The following CNTN5 variants were observed in gnomAD, a reference collection of about 807,000 sequenced individuals.
CNTN5 encodes the protein contactin-5.
In CNTN5, 77 loss-of-function variants were observed where a neutral mutation model predicts 129.1. That is an observed-to-expected ratio of 0.60 (90% CI 0.50 to 0.72). The LOEUF (loss-of-function observed/expected upper bound fraction) is 0.72. Ranked by LOEUF, CNTN5 falls within the 30% of genes least tolerant of loss-of-function variation. The pLI, the probability that CNTN5 is intolerant of heterozygous loss-of-function variation, is 0.00. For synonymous variants in CNTN5, 509 were observed against 465.6 expected (o/e 1.09, Z -1.20); for missense variants, 1,478 against 1,328.8 (o/e 1.11, Z -1.75).
intron 2 of CNTN5, among the ~76,000 whole-genome samples, chr11:99,519,964 A>G (rs1016733389): frequency 6.6e-6 from 1 of 152,024 alleles, no homozygotes; most frequent in African/African-American, 2.4e-5. Flanking sequence ...TCCCACATTC[A>G]TGCTCCCTTA....
At chr11:100,225,036 C>G (rs535478596) in intron 16 of CNTN5, 1 of 357,506 alleles carries the variant, frequency 2.8e-6, no homozygotes, top group Non-Finnish European at 5.2e-6. Context: ...TCCAAAACAC[C>G]TTTAGTAGTA....
intron 13 of CNTN5, among the ~76,000 whole-genome samples, chr11:100,187,903 A>AAACAATTGT (rs1473814035): frequency 6.6e-6 from 1 of 152,190 alleles, no homozygotes; most frequent in Non-Finnish European, 1.5e-5. Flanking sequence ...AAGTCCTCAA[A>AAACAATTGT]AACAATTGTA....
At chr11:99,589,868 A>G (rs911500749) in intron 3 of CNTN5, among the ~76,000 whole-genome samples, 3 of 152,200 alleles carry the variant, frequency 2.0e-5, no homozygotes, top group African/African-American at 7.2e-5. Flanking sequence ...AATATTCTTG[A>G]GTATAGGGGA....
intron 1 of CNTN5, chr11:99,120,183 A>G (rs746132012): frequency 6.6e-6 from 1 of 152,240 alleles, no homozygotes; most frequent in Non-Finnish European, 1.5e-5. Context: ...TGTGTTTCTC[A>G]TGAAATCTGG....
rs189673294 is a variant in CNTN5, at chr11:100,190,931, A to G, written c.1581-195A>G. Among the ~76,000 whole-genome samples the G allele has an allele frequency of 9.4e-4, 143 of 152,204 alleles. 1 individual carries two copies. The highest frequency in any genetic ancestry group is 3.1e-3 in the African/African-American group (130 of 41,560). On this transcript the variant is annotated intron_variant, in intron 13 of 24. Transcript: ENST00000524871. ...TCTTGTTACTCCTTAACCTTTTTGA[A>G]TATAAGAAGATTTAAGTAAGCTTAT...
chr11:99,960,880 A>T (rs572325612), intron 8 of CNTN5, among the ~76,000 whole-genome samples: 1 of 152,198 alleles, frequency 6.6e-6, no homozygotes, highest in South Asian at 2.1e-4. Context: ...AATGAGGAGA[A>T]GGTAGAGAGA....
intron 6 of CNTN5, among the ~76,000 whole-genome samples, chr11:99,849,849 T>G (rs2135719208): frequency 6.6e-6 from 1 of 152,280 alleles, no homozygotes; most frequent in South Asian, 2.1e-4. Flanking sequence ...GTACTCAATC[T>G]TTCCCTATTC....
chr11:99,736,722 A>C (rs1943723406), intron 3 of CNTN5, among the ~76,000 whole-genome samples: 1 of 152,144 alleles, frequency 6.6e-6, no homozygotes, highest in South Asian at 2.1e-4. Context: ...TTATACCAAA[A>C]ATTTTAAATA....
chr11:99,571,243 T>G (rs1949165801), intron 3 of CNTN5, among the ~76,000 whole-genome samples: 1 of 152,086 alleles, frequency 6.6e-6, no homozygotes, highest in Admixed American at 6.6e-5. Context: ...GACCTGTAGG[T>G]TTTCAATGGC....
At chr11:100,147,024 C>T (rs1365209142) in intron 13 of CNTN5, among the ~76,000 whole-genome samples, 2 of 152,162 alleles carry the variant, frequency 1.3e-5, no homozygotes, top group African/African-American at 4.8e-5. Flanking sequence ...CTCTGTTTCA[C>T]ATGTAAACGT....
chr11:99,089,227 C>G (rs975173541), intron 1 of CNTN5, among the ~76,000 whole-genome samples: 1 of 151,720 alleles, frequency 6.6e-6, no homozygotes, highest in Non-Finnish European at 1.5e-5. Context: ...ATCTAGTATA[C>G]AAATATTTTA....
At chr11:100,298,979 A>G (rs1951159723) in intron 19 of CNTN5, among the ~76,000 whole-genome samples, 183 bp from the exon 20 acceptor site, 1 of 151,502 alleles carries the variant, frequency 6.6e-6, no homozygotes, top group South Asian at 2.1e-4. Context: ...TTTTACCTTT[A>G]AAGCTTTTTA....
intron 13 of CNTN5, among the ~76,000 whole-genome samples, chr11:100,107,852 A>G (rs555314877): frequency 3.9e-5 from 6 of 152,192 alleles, no homozygotes; most frequent in Non-Finnish European, 7.4e-5. Flanking sequence ...CTATATAGAT[A>G]TATGTATGCA....
At chr11:99,523,582 C>A (rs1947349951) in intron 2 of CNTN5, among the ~76,000 whole-genome samples, 1 of 146,988 alleles carries the variant, frequency 6.8e-6, no homozygotes, top group Non-Finnish European at 1.5e-5. Flanking sequence ...AGAGGGAGAC[C>A]CCATCTCAAA....
chr11:99,521,457 T>G (rs1484483362), intron 2 of CNTN5, among the ~76,000 whole-genome samples: 2 of 152,190 alleles, frequency 1.3e-5, no homozygotes, highest in Admixed American at 6.6e-5. Context: ...TAATTTTAGG[T>G]GACTTATTTT....
At chr11:99,082,717 ATACTT>A (rs1254464036) in intron 1 of CNTN5, among the ~76,000 whole-genome samples, 2 of 152,210 alleles carry the variant, frequency 1.3e-5, no homozygotes, top group Non-Finnish European at 2.9e-5. Flanking sequence ...TATGTGAACT[ATACTT>A]TACGAAAGAC....
intron 3 of CNTN5, among the ~76,000 whole-genome samples, chr11:99,754,850 C>G (rs576874512): frequency 6.6e-6 from 1 of 152,270 alleles, no homozygotes; most frequent in South Asian, 2.1e-4. Flanking sequence ...AAAATAACAT[C>G]TACCCACCAT....
chr11:99,835,816 G>C (rs1369709939), intron 4 of CNTN5, among the ~76,000 whole-genome samples: 1 of 152,144 alleles, frequency 6.6e-6, no homozygotes, highest in Non-Finnish European at 1.5e-5. Flanking sequence ...CCCTAGGCCT[G>C]GAAATACATG....
chr11:99,816,880 G>A (rs1481901555), intron 3 of CNTN5, among the ~76,000 whole-genome samples: 1 of 151,918 alleles, frequency 6.6e-6, no homozygotes, highest in Non-Finnish European at 1.5e-5. Flanking sequence ...TTACTTTCAA[G>A]GTTTTTATAT....
Sources: allele counts gnomAD v4.1 joint callset (sites outside exome capture counted in the v4.1 genomes callset), GRCh38; gene constraint gnomAD v4.1.1; transcripts MANE v1.5; gene names NCBI Gene and HGNC (gene_info 2026-07-23, HGNC 2026-07-21).